The following CALN1 variants were observed in gnomAD, a reference collection of about 807,000 sequenced individuals.
CALN1 encodes calneuron 1, also known as calcium-binding protein 8.
CALN1 carries 17 observed loss-of-function variants against 30.6 expected under a neutral mutation model. That is an observed-to-expected ratio of 0.56 (90% CI 0.38 to 0.83). The LOEUF is 0.83. Among genes scored for constraint, CALN1 ranks in the 40% least tolerant of loss-of-function variants. The probability of loss-of-function intolerance (pLI) is 0.00; values close to 1 mark genes in which losing one functional copy is unlikely to be tolerated. For missense variants in CALN1, 291 were observed against 354.9 expected, an observed-to-expected ratio of 0.82 and a Z score of 1.45; for synonymous variants, 156 against 131.4, an observed-to-expected ratio of 1.19 and a Z score of -1.28.
intron 3 of CALN1, among the ~76,000 whole-genome samples, chr7:72,249,355 A>G (rs1795393732): frequency 6.6e-6 from 1 of 152,148 alleles, no homozygotes. Flanking sequence ...CCAGGCAAGC[A>G]TTTCCACTCT....
intron 3 of CALN1, among the ~76,000 whole-genome samples, chr7:72,220,459 T>C (rs1183226535): frequency 6.6e-6 from 1 of 151,550 alleles, no homozygotes; most frequent in Non-Finnish European, 1.5e-5. Flanking sequence ...ACATTTGGGT[T>C]GGTTCCAAGT....
chr7:72,201,059 T>C (rs990184797), intron 3 of CALN1, among the ~76,000 whole-genome samples: 2 of 152,202 alleles, frequency 1.3e-5, no homozygotes, highest in African/African-American at 4.8e-5. Context: ...GATTGGATAA[T>C]GTAGTATATA....
At chr7:72,136,171 A>ATAAC (rs59852033) in intron 3 of CALN1, among the ~76,000 whole-genome samples, 2 of 151,848 alleles carry the variant, frequency 1.3e-5, no homozygotes, top group Non-Finnish European at 2.9e-5. Flanking sequence ...AAATAAATAA[A>ATAAC]GGGCTGGTTT....
At chr7:72,495,699 A>C in the CALN1 span, among the ~76,000 whole-genome samples, 3 of 152,330 alleles carry the variant, frequency 2.0e-5, no homozygotes, top group South Asian at 6.2e-4. Flanking sequence ...ACGGTGGGCT[A>C]TAAAGTTGCT....
In CALN1 at chr7:71,903,603, T is replaced by C. The variant is rs185460653; in HGVS notation, c.502-93111A>G. Among the ~76,000 whole-genome samples the C allele has an allele frequency of 5.9e-3, 903 of 152,246 alleles. 8 individuals are homozygous for C. The highest frequency in any genetic ancestry group is 7.9e-3 in the Non-Finnish European group (535 of 67,986). Reference sequence around the variant, plus strand: ...AAGACCCAAAACTATGAATTTACTATATGAAAACATAAATGAAAAGCTTCA... The same window carrying C: ...AAGACCCAAAACTATGAATTTACTACATGAAAACATAAATGAAAAGCTTCA... On this transcript the variant is annotated intron_variant, in intron 5 of 6. Coordinates refer to ENST00000395275, the MANE Select transcript of CALN1 (RefSeq NM_031468.4).
At chr7:72,381,767 A>C (rs956301103) in intron 2 of CALN1, among the ~76,000 whole-genome samples, 1 of 152,222 alleles carries the variant, frequency 6.6e-6, no homozygotes, top group African/African-American at 2.4e-5. Context: ...CTTAAAACCT[A>C]GATGACGGGT....
chr7:72,200,840 G>C (rs764816308), intron 3 of CALN1, among the ~76,000 whole-genome samples: 52 of 152,170 alleles, frequency 3.4e-4, no homozygotes, highest in Non-Finnish European at 4.3e-4. Flanking sequence ...CTGGGCTTGT[G>C]AATTTGTTTC....
chr7:72,139,419 G>A (rs1373239254), intron 3 of CALN1, among the ~76,000 whole-genome samples: 1 of 139,692 alleles, frequency 7.2e-6, no homozygotes, highest in South Asian at 2.3e-4. Context: ...CCTCAGCCAC[G>A]CCCACCCTCT....
chr7:72,244,449 T>C (rs964917930), intron 3 of CALN1, among the ~76,000 whole-genome samples: 1 of 152,118 alleles, frequency 6.6e-6, no homozygotes, highest in Non-Finnish European at 1.5e-5. Flanking sequence ...CTCTCTAGGA[T>C]GTAATCCAGT....
chr7:72,236,918 G>C (rs1430058900), intron 3 of CALN1, among the ~76,000 whole-genome samples: 1 of 151,996 alleles, frequency 6.6e-6, no homozygotes, highest in Non-Finnish European at 1.5e-5. Flanking sequence ...GAATTTAATT[G>C]ATGTGTTGAA....
intron 2 of CALN1, among the ~76,000 whole-genome samples, chr7:72,354,781 T>C (rs1393726201): frequency 6.6e-6 from 1 of 152,186 alleles, no homozygotes. Flanking sequence ...ATTTACCCTA[T>C]AGGCAAAGAT....
At chr7:72,218,248 C>T (rs947817440) in intron 3 of CALN1, among the ~76,000 whole-genome samples, 3 of 151,498 alleles carry the variant, frequency 2.0e-5, no homozygotes, top group African/African-American at 7.3e-5. Flanking sequence ...GGAGATCGAA[C>T]CCATCCTGGC....
intron 6 of CALN1, 134 bp from the exon 7 acceptor site, chr7:71,788,036 T>C (rs1198425574): frequency 2.5e-6 from 3 of 1,192,094 alleles, no homozygotes; most frequent in Non-Finnish European, 3.5e-6. Flanking sequence ...ATGAGACTGG[T>C]CAAATCAAGT....
rs1447205820 is a variant in CALN1 at position 71,856,116 on chromosome 7, CAT to C, written c.502-45626_502-45625del. ...ATGCATGTATATATTTGAGAGTTTT[CAT>C]ATATATATTTGGAACTCTCAAATAT... On this transcript the variant is annotated intron_variant, in intron 5 of 6. Transcript: ENST00000395275. 4.6e-5 allele frequency among the ~76,000 whole-genome samples: 7 copies of C among 150,914 alleles called. No individual in the cohort carries two copies. The East Asian group carries it at 1.2e-3, about 25-fold the overall frequency.
At chr7:72,183,805 G>A (rs1468094157) in intron 3 of CALN1, among the ~76,000 whole-genome samples, 1 of 152,112 alleles carries the variant, frequency 6.6e-6, no homozygotes, top group Non-Finnish European at 1.5e-5. Flanking sequence ...AATTATGAAT[G>A]TCCAGTATGC....
At chr7:72,253,422 G>A (rs900553559) in intron 3 of CALN1, among the ~76,000 whole-genome samples, 1 of 152,182 alleles carries the variant, frequency 6.6e-6, no homozygotes, top group African/African-American at 2.4e-5. Context: ...ACATACCTGA[G>A]ACTGGGTAAT....
At chr7:72,131,498 G>T (rs568200562) in intron 3 of CALN1, among the ~76,000 whole-genome samples, 1 of 152,176 alleles carries the variant, frequency 6.6e-6, no homozygotes, top group South Asian at 2.1e-4. Context: ...CAAAAATCTT[G>T]CTCCATTCCC....
At chr7:72,076,646 A>AAAAAAAAAAAAAAAAAAAAAAG (rs1563035689) in intron 4 of CALN1, among the ~76,000 whole-genome samples, 1 of 124,532 alleles carries the variant, frequency 8.0e-6, no homozygotes, top group African/African-American at 3.2e-5. Context: ...AAAAAAAAAA[A>AAAAAAAAAAAAAAAAAAAAAAG]AGCAAAGACA....
chr7:72,202,978 C>T (rs1454421359), intron 3 of CALN1, among the ~76,000 whole-genome samples: 5 of 152,132 alleles, frequency 3.3e-5, no homozygotes, highest in Non-Finnish European at 5.9e-5. Context: ...AAATGTGGCA[C>T]ATATACACCA....
Sources: allele counts gnomAD v4.1 joint callset (sites outside exome capture counted in the v4.1 genomes callset), GRCh38; gene constraint gnomAD v4.1.1; transcripts MANE v1.5; gene names NCBI Gene and HGNC (gene_info 2026-07-23, HGNC 2026-07-21).